The following ZBED1 variants were observed in gnomAD, a reference collection of about 807,000 sequenced individuals.
ZBED1 encodes zinc finger BED-type containing 1.
A neutral mutation model predicts 49.7 loss-of-function variants in ZBED1; 19 were observed. The ratio of observed to expected loss-of-function variants is 0.38; its 90% CI spans 0.27 to 0.56. The LOEUF is 0.56. Ranked by LOEUF, ZBED1 falls within the 20% of genes least tolerant of loss-of-function variation. The pLI is 0.70. For missense variants in ZBED1, 806 were observed against 972.6 expected (o/e 0.83, Z 2.28); for synonymous variants, 439 against 440.3 (o/e 1.00, Z 0.04).
intron 1 of ZBED1, among the ~76,000 whole-genome samples, chrX:2,495,655 T>TCCTCCTTCCTCCTC (rs770587211): frequency 1.2e-3 from 189 of 152,236 alleles, no homozygotes; most frequent in African/African-American, 4.4e-3. Context: ...GTACCCTCCT[T>TCCTCCTTCCTCCTC]CCTCCTTCCT....
chrX:2,498,226 T>G (rs2045328506), intron 1 of ZBED1, among the ~76,000 whole-genome samples: 1 of 152,184 alleles, frequency 6.6e-6, no homozygotes, highest in Admixed American at 6.5e-5. Flanking sequence ...CACGCTCCAT[T>G]TGGAAGTTCT....
chrX:2,491,066 GTTTTTTTTTT>G (rs900738620), intron 1 of ZBED1, among the ~76,000 whole-genome samples: 2 of 110,246 alleles, frequency 1.8e-5, no homozygotes, highest in African/African-American at 6.9e-5. Context: ...AGTGCCTTTA[GTTTTTTTTTT>G]TTTTTTTTTT....
At chrX:2,499,083 A>G (rs115706356) in intron 1 of ZBED1, among the ~76,000 whole-genome samples, 280 of 151,840 alleles carry the variant, frequency 1.8e-3, no homozygotes, top group African/African-American at 6.7e-3. Context: ...TAAAACATCC[A>G]CTCCAGGCAC....
Position 2,488,371 on chromosome X carries a change from C to T in ZBED1, c.*264G>A, listed in dbSNP as rs1005511527. The T allele has an allele frequency of 6.2e-5, 27 of 437,918 alleles. No homozygotes were observed. Among genetic ancestry groups the T allele is most frequent in the Middle Eastern group, 5.8e-4 (1 of 1,720 alleles). The allele number at this position is 437,918 out of a possible 1,614,324, so 27.1% of individuals were successfully genotyped here. A position where few individuals can be genotyped will look rare whatever the true frequency, so the allele number is the denominator to read the frequency against. ...TGTATTTTTAGTAGAGACGGGGTTTCGCCATGTTGGCCAGGCTGGTCTCGA... is the reference window on the plus strand; with the variant it reads ...TGTATTTTTAGTAGAGACGGGGTTTTGCCATGTTGGCCAGGCTGGTCTCGA... On this transcript the variant is annotated 3_prime_UTR_variant, in exon 2 of 2. Transcript: ENST00000652001.
intron 1 of ZBED1, among the ~76,000 whole-genome samples, chrX:2,497,001 T>C (rs184395369): frequency 1.9e-3 from 292 of 152,236 alleles, no homozygotes; most frequent in African/African-American, 6.7e-3. Context: ...ATGTTTTAAA[T>C]TTCTGTTTTA....
intron 1 of ZBED1, among the ~76,000 whole-genome samples, chrX:2,499,111 G>A (rs138755603): frequency 6.6e-6 from 1 of 152,032 alleles, no homozygotes; most frequent in Non-Finnish European, 1.5e-5. Flanking sequence ...AAAGGGTGGC[G>A]CTGGGACCCC....
At chrX:2,490,880 G>A in intron 1 of ZBED1, 108 bp from the exon 2 acceptor site, 1 of 990,310 alleles carries the variant, frequency 1.0e-6, no homozygotes, top group East Asian at 2.4e-5. Context: ...TCAACCAAAG[G>A]GCACTGGGGC....
In ZBED1 at chrX:2,497,804, C is replaced by T. The variant is rs2045319599; in HGVS notation, c.-54+3013G>A. Among the ~76,000 whole-genome samples the T allele has an allele frequency of 3.9e-5, 6 of 152,268 alleles. No individual in the cohort carries two copies. In the South Asian group the frequency reaches 1.2e-3, roughly 32 times the overall value. Reference sequence around the variant, plus strand: ...AAACAGATCACCCTGTTATTAATACCGGTGGGTAGAGACTTTCTTTACTCA... The same window carrying T: ...AAACAGATCACCCTGTTATTAATACTGGTGGGTAGAGACTTTCTTTACTCA... On this transcript the variant is annotated intron_variant, in intron 1 of 1. Coordinates refer to ENST00000652001, the MANE Select transcript of ZBED1 (RefSeq NM_001171136.2).
intron 1 of ZBED1, among the ~76,000 whole-genome samples, chrX:2,498,910 A>G (rs1197018655): frequency 3.3e-5 from 5 of 152,180 alleles, no homozygotes; most frequent in Non-Finnish European, 7.3e-5. Context: ...CGAAAGCCTG[A>G]CTACAGTTCC....
chrX:2,487,001 T>A lies in ZBED1; in HGVS notation c.*1634A>T, dbSNP rs6567595. 1 of 152,010 alleles carries A rather than the reference T, an allele frequency of 6.6e-6. No homozygotes were observed. Among genetic ancestry groups the A allele is most frequent in the Non-Finnish European group, 1.5e-5 (1 of 67,992 alleles). 9.4% of individuals were successfully genotyped at this position (152,010 alleles called of 1,614,324 possible). A position where few individuals can be genotyped will look rare whatever the true frequency, so the allele number is the denominator to read the frequency against. On this transcript the variant is annotated 3_prime_UTR_variant, in exon 2 of 2. Transcript: ENST00000652001. ...TGGGGTCATCCCTCCTAGACACCGT[T>A]CTCCCCAGCCCAGCTTGTCTTCACG...
chrX:2,498,476 C>T (rs756157456), intron 1 of ZBED1, among the ~76,000 whole-genome samples: 20 of 152,098 alleles, frequency 1.3e-4, no homozygotes, highest in Admixed American at 9.8e-4. Context: ...GGAAGGGGCT[C>T]GATGAGGGCA....
Position 2,490,063 on chromosome X carries a change from G to A in ZBED1, c.657C>T (p.Gly219=). 1 of 1,613,780 alleles carries A rather than the reference G, an allele frequency of 6.2e-7. No homozygotes were observed. The highest frequency in any genetic ancestry group is 2.2e-5 in the East Asian group (1 of 44,878). Residue 219 remains glycine, a synonymous_variant, in exon 2 of 2, where the codon GGC becomes GGT. Coordinates refer to ENST00000652001, the MANE Select transcript of ZBED1 (RefSeq NM_001171136.2). The stretch of plus-strand genomic sequence containing the variant: ...TGGACAGGCAGTTGGGGGCGCCCAG[G>A]CCCAGGAAGTGGGCGGCCAGCGTGA... ...AYVTLAAHFL[G]LGAPNCLSMG... is the part of the protein sequence containing the mutation.
chrX:2,495,176 A>G (rs1047369095), intron 1 of ZBED1, among the ~76,000 whole-genome samples: 1 of 150,960 alleles, frequency 6.6e-6, no homozygotes, highest in Non-Finnish European at 1.5e-5. Flanking sequence ...AAGTCACAGT[A>G]CCCTGAACAA....
chrX:2,488,837 A>C lies in ZBED1; in HGVS notation c.1883T>G (p.Val628Gly). Residue 628 changes from valine (V) to glycine (G), a missense_variant, in exon 2 of 2, where the codon GTG becomes GGG. This residue lies in a region of ZBED1 where 749 missense variants were observed against 861.3 expected (regional missense o/e 0.87). Transcript: ENST00000652001. ...CAGCCGGTTCCTCTTGGCGCTGACC[A>C]CGTTGGCGGCGGATCCGAAGAGACG... ...PERLFGSAAN[V>G]VSAKRNRLAP... is the part of the protein sequence containing the mutation. The C allele has an allele frequency of 1.2e-6, 2 of 1,613,726 alleles. No homozygotes were observed. The highest frequency in any genetic ancestry group is 1.7e-6 in the Non-Finnish European group (2 of 1,179,830).
In ZBED1 at chrX:2,489,945, C is replaced by T. The variant is rs778692182; in HGVS notation, c.775G>A (p.Gly259Ser). ...GCCCCGAAGACCTTGGCGCTGATGC[C>T]CCACTCGATGAAGACCTCATAGAGC... The part of the protein sequence containing the change: ...RVLYEVFIEW[G>S]ISAKVFGATT... The change falls in exon 2 of 2, where the codon GGC (glycine) becomes AGC (serine). Residue 259 changes from glycine to serine, a missense_variant. Coordinates refer to ENST00000652001, the MANE Select transcript of ZBED1 (RefSeq NM_001171136.2). The T allele has an allele frequency of 9.9e-6, 16 of 1,613,788 alleles. No homozygotes were observed. The highest frequency in any genetic ancestry group is 3.3e-4 in the Middle Eastern group (2 of 6,078).
In ZBED1 at chrX:2,486,456, A is replaced by T. The variant is rs1304866295; in HGVS notation, c.*2179T>A. ...CTAATGCATTGCTCTGGTTTATTGA[A>T]CAACAGTCCAACTTTACAGCATTAA... On this transcript the variant is annotated 3_prime_UTR_variant, in exon 2 of 2. Coordinates refer to ENST00000652001, the MANE Select transcript of ZBED1 (RefSeq NM_001171136.2). 1 of 152,234 alleles carries T rather than the reference A, an allele frequency of 6.6e-6. No individual in the cohort carries two copies. Among genetic ancestry groups the T allele is most frequent in the African/African-American group, 2.4e-5 (1 of 41,458 alleles). 9.4% of individuals were successfully genotyped at this position (152,234 alleles called of 1,614,324 possible).
intron 1 of ZBED1, among the ~76,000 whole-genome samples, chrX:2,498,473 G>C (rs1310840889): frequency 1.3e-5 from 2 of 152,108 alleles, no homozygotes; most frequent in African/African-American, 4.8e-5. Flanking sequence ...ATAGGAAGGG[G>C]CTCGATGAGG....
Position 2,500,835 on chromosome X carries a change from C to CGCGGCAGCGCCGCA in ZBED1, c.-86_-73dup. ...CGCTGACCTGGCTCCAGGAAGCCCC[C>CGCGGCAGCGCCGCA]GCGGCAGCGCCGCAGCAGCTGCGCC... On this transcript the variant is annotated 5_prime_UTR_variant, in exon 1 of 2. It removes the in-frame stop codon of an upstream open reading frame in the 5' UTR. Coordinates refer to ENST00000652001, the MANE Select transcript of ZBED1 (RefSeq NM_001171136.2). 8.7e-7 allele frequency: 1 copy of CGCGGCAGCGCCGCA among 1,143,412 alleles called. No individual in the cohort carries two copies. The highest frequency in any genetic ancestry group is 1.1e-6 in the Non-Finnish European group (1 of 928,938). 70.8% of individuals were successfully genotyped at this position (1,143,412 alleles called of 1,614,324 possible).
rs1476618104 is a variant in ZBED1, at chrX:2,489,367, G to A, written c.1353C>T (p.Ile451=). The change falls in exon 2 of 2, where the codon ATC becomes ATT. Residue 451 remains isoleucine (I), a synonymous_variant. Coordinates refer to ENST00000652001, the MANE Select transcript of ZBED1 (RefSeq NM_001171136.2). ...SKELSMAKEV[I]AKELSKTYQE... is the part of the protein sequence containing the mutation. The stretch of plus-strand genomic sequence containing the variant: ...GGTAGGTCTTGGAAAGCTCCTTGGC[G>A]ATGACCTCCTTGGCCATGCTGAGCT... 6.2e-6 allele frequency: 10 copies of A among 1,613,830 alleles called. No individual in the cohort carries two copies. The highest frequency in any genetic ancestry group is 2.2e-5 in the East Asian group (1 of 44,876).
Sources: gnomAD v4.1 joint callset for allele counts (sites outside exome capture counted in the v4.1 genomes callset) on GRCh38, gnomAD v4.1.1 for gene constraint, gnomAD v4.1.1 regional missense constraint, MANE v1.5 for transcripts, NCBI Gene and HGNC (gene_info 2026-07-23, HGNC 2026-07-21) for gene names.